TMEM132D: variants seen among roughly 807,000 people sequenced by gnomAD.
The protein encoded by TMEM132D is transmembrane protein 132D.
A neutral mutation model predicts 62.3 loss-of-function variants in TMEM132D; 21 were observed. The ratio of observed to expected loss-of-function variants is 0.34; its 90% CI spans 0.24 to 0.49. TMEM132D has a LOEUF of 0.49. TMEM132D is among the 20% of genes least tolerant of loss of function. TMEM132D has a pLI of 0.99. For synonymous variants in TMEM132D, 621 were observed against 575.6 expected (o/e 1.08, Z -1.13); for missense variants, 1,346 against 1,402.8 (o/e 0.96, Z 0.65).
At chr12:129,353,636 G>A (rs568082474) in intron 3 of TMEM132D, among the ~76,000 whole-genome samples, 7 of 152,154 alleles carry the variant, frequency 4.6e-5, no homozygotes, top group African/African-American at 1.4e-4. Flanking sequence ...AGAAAGGCAC[G>A]GGGCTATGTC....
chr12:129,229,795 G>A (rs1019527316), intron 4 of TMEM132D, among the ~76,000 whole-genome samples: 1 of 152,146 alleles, frequency 6.6e-6, no homozygotes, highest in Non-Finnish European at 1.5e-5. Flanking sequence ...TAACCTGCAA[G>A]CCACAGGGAT....
At chr12:129,357,691 G>C (rs1870119170) in intron 3 of TMEM132D, among the ~76,000 whole-genome samples, 2 of 149,538 alleles carry the variant, frequency 1.3e-5, no homozygotes, top group Admixed American at 1.3e-4. Context: ...GAGAGAGAGA[G>C]AGAAGTGAGT....
intron 3 of TMEM132D, among the ~76,000 whole-genome samples, chr12:129,395,587 G>T (rs1371515570): frequency 1.3e-5 from 2 of 151,474 alleles, no homozygotes; most frequent in East Asian, 3.9e-4. Context: ...TAAAAGAATG[G>T]GTATTCTTTT....
At chr12:129,416,007 C>T (rs1481157711) in intron 3 of TMEM132D, among the ~76,000 whole-genome samples, 2 of 152,204 alleles carry the variant, frequency 1.3e-5, no homozygotes, top group African/African-American at 4.8e-5. Context: ...TCCAAATAGT[C>T]ATGCCTACTC....
At chr12:129,888,342 A>G (rs1874810618) in intron 1 of TMEM132D, among the ~76,000 whole-genome samples, 1 of 152,230 alleles carries the variant, frequency 6.6e-6, no homozygotes. Flanking sequence ...GCAACAACAT[A>G]AAGCCCTCTT....
At chr12:129,116,242 A>G (rs888992080) in intron 5 of TMEM132D, among the ~76,000 whole-genome samples, 2 of 152,188 alleles carry the variant, frequency 1.3e-5, no homozygotes, top group African/African-American at 4.8e-5. Flanking sequence ...CTGAGGGAAC[A>G]TGGTGAGACC....
At chr12:129,642,733 G>A (rs969139633) in intron 2 of TMEM132D, among the ~76,000 whole-genome samples, 2 of 152,048 alleles carry the variant, frequency 1.3e-5, no homozygotes, top group African/African-American at 2.4e-5. Flanking sequence ...ACTTTGCAAC[G>A]CAACCTCACC....
chr12:129,216,114 C>T (rs573371940), intron 4 of TMEM132D, among the ~76,000 whole-genome samples: 12 of 152,282 alleles, frequency 7.9e-5, no homozygotes, highest in African/African-American at 2.9e-4. Context: ...TGGGTGGCTC[C>T]AAGCAAGTTA....
intron 4 of TMEM132D, among the ~76,000 whole-genome samples, chr12:129,288,788 G>T (rs1441694710): frequency 3.9e-5 from 6 of 152,198 alleles, no homozygotes; most frequent in African/African-American, 1.2e-4. Context: ...TCCCCTGTTT[G>T]CTGTAGAATG....
chr12:129,253,998 G>A (rs919190701), intron 4 of TMEM132D, among the ~76,000 whole-genome samples: 1 of 152,224 alleles, frequency 6.6e-6, no homozygotes, highest in African/African-American at 2.4e-5. Context: ...CAGTGACCAG[G>A]CATAAGGATG....
chr12:129,712,332 G>A (rs879425541), intron 1 of TMEM132D, among the ~76,000 whole-genome samples: 6 of 152,126 alleles, frequency 3.9e-5, no homozygotes, highest in Admixed American at 6.5e-5. Context: ...CACCATGTTA[G>A]CCAGGATGGT....
intron 3 of TMEM132D, among the ~76,000 whole-genome samples, chr12:129,372,991 G>A (rs970560825): frequency 6.6e-6 from 1 of 152,048 alleles, no homozygotes; most frequent in African/African-American, 2.4e-5. Context: ...CTAAGTTTGT[G>A]GTAGTTACAA....
intron 2 of TMEM132D, among the ~76,000 whole-genome samples, chr12:129,572,273 G>A (rs1292022654): frequency 1.3e-5 from 2 of 152,210 alleles, no homozygotes; most frequent in East Asian, 3.9e-4. Context: ...CTGGAATAAG[G>A]TCGTGCTGCC....
At chr12:129,326,827 G>C in intron 4 of TMEM132D, among the ~76,000 whole-genome samples, 1 of 151,894 alleles carries the variant, frequency 6.6e-6, no homozygotes. Flanking sequence ...TTTAAAAATT[G>C]GTATAATATT....
rs966773054 is a variant in TMEM132D at position 129,226,920 on chromosome 12, G to A, written c.1300-17257C>T. Among the ~76,000 whole-genome samples the A allele has an allele frequency of 3.9e-5, 6 of 152,108 alleles. No individual in the cohort carries two copies. In the East Asian group the frequency reaches 7.7e-4, roughly 20 times the overall value. On this transcript the variant is annotated intron_variant, in intron 4 of 8. Coordinates refer to ENST00000422113, the MANE Select transcript of TMEM132D (RefSeq NM_133448.3). The stretch of plus-strand genomic sequence containing the variant: ...AATAAGGTCTCCTTCATTCTGAGCC[G>A]CCTGAAGAAATCTCCTGTATCACAA...
At chr12:129,258,351 C>T (rs962796638) in intron 4 of TMEM132D, among the ~76,000 whole-genome samples, 2 of 152,000 alleles carry the variant, frequency 1.3e-5, no homozygotes, top group African/African-American at 4.8e-5. Flanking sequence ...GTAATTGGAG[C>T]ATCAAGCACA....
chr12:129,666,174 G>A (rs924032575), intron 2 of TMEM132D, among the ~76,000 whole-genome samples: 1 of 152,094 alleles, frequency 6.6e-6, no homozygotes, highest in Non-Finnish European at 1.5e-5. Context: ...CTTCAGCTGC[G>A]ATTAGACCCC....
At position 129,084,473 on chromosome 12, in the gene TMEM132D, A is replaced by G. The variant is rs1330842353; in HGVS notation, c.1649+24T>C. On this transcript the variant is annotated intron_variant, in intron 6 of 8. Coordinates refer to ENST00000422113, the MANE Select transcript of TMEM132D (RefSeq NM_133448.3). ...CCGTACACTTCCTCCTTAGCCTGCC[A>G]TGGAGTTTCAGGGACATACCCACCT... is the stretch of plus-strand genomic sequence containing the variant. 7.7e-6 allele frequency: 12 copies of G among 1,566,358 alleles called. No homozygotes were observed. The South Asian group carries it at 1.4e-4, about 18-fold the overall frequency.
chr12:129,148,518 G>A (rs1457994244), intron 5 of TMEM132D, among the ~76,000 whole-genome samples: 1 of 152,144 alleles, frequency 6.6e-6, no homozygotes, highest in African/African-American at 2.4e-5. Flanking sequence ...GCCTCTGGAA[G>A]CTGGGAAAGG....
Sources: gnomAD v4.1 joint callset for allele counts (sites outside exome capture counted in the v4.1 genomes callset) on GRCh38, gnomAD v4.1.1 for gene constraint, MANE v1.5 for transcripts, NCBI Gene and HGNC (gene_info 2026-07-23, HGNC 2026-07-21) for gene names.